Variants in LOC400499 observed in about 807,000 individuals in gnomAD.
the LOC400499 span, among the ~76,000 whole-genome samples, chr16:11,372,962 C>A: frequency 6.6e-6 from 1 of 152,250 alleles, no homozygotes; most frequent in East Asian, 1.9e-4. Flanking sequence ...CGGTGCTAGG[C>A]CCAGCCTGCT....
At chr16:11,391,634 A>T in the LOC400499 span, 1 of 1,231,864 alleles carries the variant, frequency 8.1e-7, no homozygotes, top group Non-Finnish European at 1.0e-6. Context: ...TGATTTCCGC[A>T]CAGGATTGAG....
the LOC400499 span, among the ~76,000 whole-genome samples, chr16:11,498,820 A>G: frequency 2.0e-5 from 3 of 151,578 alleles, no homozygotes; most frequent in Non-Finnish European, 4.4e-5. Context: ...ACTAATGGCA[A>G]CAGCCACTTC....
chr16:11,486,463 A>G, the LOC400499 span, among the ~76,000 whole-genome samples: 1 of 139,038 alleles, frequency 7.2e-6, no homozygotes, highest in African/African-American at 2.8e-5. Context: ...ACATGGGTAG[A>G]CAGATGATGG....
the LOC400499 span, chr16:11,460,592 G>A: frequency 6.5e-7 from 1 of 1,534,208 alleles, no homozygotes; most frequent in South Asian, 1.2e-5. Context: ...GCACTCGTGT[G>A]CCGCCTGCTT....
At chr16:11,460,530 G>C in the LOC400499 span, 1 of 1,535,410 alleles carries the variant, frequency 6.5e-7, no homozygotes. Context: ...CGCAGCTCCA[G>C]CCTGTAGGCA....
chr16:11,375,593 G>A, the LOC400499 span, among the ~76,000 whole-genome samples: 108 of 152,046 alleles, frequency 7.1e-4, 1 homozygote, highest in African/African-American at 2.2e-3. Flanking sequence ...GATTACAGGC[G>A]TGAGCCACTG....
At chr16:11,462,900 G>A in the LOC400499 span, among the ~76,000 whole-genome samples, 71 of 152,192 alleles carry the variant, frequency 4.7e-4, no homozygotes, top group African/African-American at 1.5e-3. Flanking sequence ...TGCCACCTCC[G>A]CTGCCTCACC....
At chr16:11,455,779 A>C in the LOC400499 span, among the ~76,000 whole-genome samples, 2 of 151,712 alleles carry the variant, frequency 1.3e-5, no homozygotes, top group African/African-American at 4.8e-5. Flanking sequence ...CAAACAAACA[A>C]CATAGGCAGA....
the LOC400499 span, among the ~76,000 whole-genome samples, chr16:11,379,852 A>G: frequency 6.6e-6 from 1 of 152,270 alleles, no homozygotes; most frequent in East Asian, 1.9e-4. Context: ...GGATTACACG[A>G]AACATCCTGA....
the LOC400499 span, chr16:11,441,180 A>G: frequency 2.5e-6 from 1 of 397,956 alleles, no homozygotes. Context: ...AGTAGTCCAA[A>G]GATTGATGGG....
the LOC400499 span, among the ~76,000 whole-genome samples, chr16:11,522,559 A>T: frequency 2.6e-5 from 4 of 152,272 alleles, no homozygotes; most frequent in Non-Finnish European, 5.9e-5. Context: ...GAGGGCCACA[A>T]TCACCCCAGT....
At chr16:11,485,071 A>C in the LOC400499 span, 1 of 398,968 alleles carries the variant, frequency 2.5e-6, no homozygotes, top group Non-Finnish European at 4.4e-6. Context: ...GCCGGAGCCC[A>C]AGCTGGGAAG....
At chr16:11,387,246 G>A in the LOC400499 span, 3 of 1,232,306 alleles carry the variant, frequency 2.4e-6, no homozygotes, top group East Asian at 3.2e-5. Context: ...ACGTCCAGGG[G>A]CTCGTCCCCC....
chr16:11,446,855 C>A, the LOC400499 span: 2 of 1,536,076 alleles, frequency 1.3e-6, no homozygotes, highest in East Asian at 2.4e-5. Context: ...CGCCTATCAG[C>A]TGTGAAGGTC....
At chr16:11,501,119 C>T in the LOC400499 span, 12 of 395,276 alleles carry the variant, frequency 3.0e-5, no homozygotes, top group African/African-American at 1.4e-4. Flanking sequence ...TCTGGGACCC[C>T]GCAGTCTGGC....
At chr16:11,402,979 G>C in the LOC400499 span, among the ~76,000 whole-genome samples, 2 of 151,930 alleles carry the variant, frequency 1.3e-5, no homozygotes, top group African/African-American at 4.8e-5. Context: ...TCTTGGATGT[G>C]ACAGGTGACA....
chr16:11,411,502 G>T, the LOC400499 span, among the ~76,000 whole-genome samples: 1 of 152,232 alleles, frequency 6.6e-6, no homozygotes, highest in Non-Finnish European at 1.5e-5. Flanking sequence ...GCCATACGGT[G>T]CCCTGGTTAG....
chr16:11,445,739 C>T, the LOC400499 span, among the ~76,000 whole-genome samples: 1 of 152,080 alleles, frequency 6.6e-6, no homozygotes, highest in Non-Finnish European at 1.5e-5. Flanking sequence ...ATGCGGGTGG[C>T]AGGGTTGTGC....
At chr16:11,450,612 G>A in the LOC400499 span, 6 of 1,535,892 alleles carry the variant, frequency 3.9e-6, no homozygotes, top group Non-Finnish European at 5.2e-6. Context: ...TGCTCACCCG[G>A]AGGTAGGTGG....
Sources: allele counts gnomAD v4.1 joint callset (sites outside exome capture counted in the v4.1 genomes callset), GRCh38; gene constraint gnomAD v4.1.1; transcripts MANE v1.5.